Variants in PARP8 observed in about 807,000 individuals in gnomAD.
PARP8 encodes the protein poly(ADP-ribose) polymerase family member 8, also known as protein mono-ADP-ribosyltransferase PARP8.
Under a neutral mutation model 124.1 loss-of-function variants are expected in PARP8, and 51 were observed. That is an observed-to-expected ratio of 0.41 (90% CI 0.33 to 0.52). The LOEUF is 0.52. PARP8 is among the 20% of genes least tolerant of loss of function. PARP8 has a pLI of 0.21. For synonymous variants in PARP8, 391 were observed against 361.5 expected (o/e 1.08, Z -0.93); for missense variants, 860 against 1,018.9 (o/e 0.84, Z 2.12).
At chr5:50,683,169 A>T (rs1291825877) in intron 2 of PARP8, among the ~76,000 whole-genome samples, 3 of 152,190 alleles carry the variant, frequency 2.0e-5, no homozygotes, top group African/African-American at 4.8e-5. Context: ...CTAGGAAATG[A>T]TTTAAATCCT....
chr5:50,704,407 C>T (rs1753916498), intron 2 of PARP8, among the ~76,000 whole-genome samples: 1 of 152,124 alleles, frequency 6.6e-6, no homozygotes. Flanking sequence ...GATATAATTA[C>T]CTAAGTGAGC....
At position 50,788,502 on chromosome 5, in the gene PARP8, G is replaced by C. The variant is rs561649249; in HGVS notation, c.671-21G>C. The C allele has an allele frequency of 3.1e-6, 5 of 1,608,786 alleles. No individual in the cohort carries two copies. The African/African-American group carries it at 5.3e-5, about 17-fold the overall frequency. On this transcript the variant is annotated intron_variant, in intron 9 of 25. Transcript: ENST00000281631. ...TTCAGTTTCAAGTCAATATGTGACT[G>C]TGATCCTTTTTCCTTTCCAGTGCCC...
intron 2 of PARP8, among the ~76,000 whole-genome samples, chr5:50,710,906 C>T (rs1754705879): frequency 6.6e-6 from 1 of 152,094 alleles, no homozygotes; most frequent in Admixed American, 6.6e-5. Context: ...CTATCTGTAG[C>T]TTTATAACTA....
At chr5:50,716,703 A>C (rs1320216563) in intron 2 of PARP8, among the ~76,000 whole-genome samples, 1 of 152,086 alleles carries the variant, frequency 6.6e-6, no homozygotes, top group African/African-American at 2.4e-5. Flanking sequence ...AATTTCTTTA[A>C]CATGGTTTAA....
chr5:50,837,588 CA>C (rs1448084027), intron 25 of PARP8, among the ~76,000 whole-genome samples: 3 of 151,900 alleles, frequency 2.0e-5, no homozygotes, highest in Non-Finnish European at 4.4e-5. Context: ...AGTCTATTAT[CA>C]GGTAACAATA....
chr5:50,833,502 T>A, intron 23 of PARP8: 1 of 373,648 alleles, frequency 2.7e-6, no homozygotes. Flanking sequence ...GTATAGCTAA[T>A]CTAATATCTG....
At chr5:50,786,909 G>A (rs1268722041) in intron 9 of PARP8, among the ~76,000 whole-genome samples, 1 of 152,002 alleles carries the variant, frequency 6.6e-6, no homozygotes, top group Non-Finnish European at 1.5e-5. Flanking sequence ...ATGCCTAAAT[G>A]CTGGGCTTCT....
intron 2 of PARP8, among the ~76,000 whole-genome samples, chr5:50,684,513 A>G (rs1431582952): frequency 1.3e-5 from 2 of 151,878 alleles, no homozygotes; most frequent in African/African-American, 4.8e-5. Flanking sequence ...ATATTCATAT[A>G]TATAAAATAT....
At chr5:50,823,681 G>C (rs1467867701) in intron 17 of PARP8, among the ~76,000 whole-genome samples, 1 of 152,184 alleles carries the variant, frequency 6.6e-6, no homozygotes, top group South Asian at 2.1e-4. Flanking sequence ...CCTAGACCTT[G>C]ATTATTTTTG....
intron 2 of PARP8, among the ~76,000 whole-genome samples, chr5:50,671,534 GAAGA>G (rs1750017881): frequency 1.3e-5 from 2 of 151,752 alleles, no homozygotes; most frequent in South Asian, 2.1e-4. Flanking sequence ...AAAGTTAGAA[GAAGA>G]AATACGCCAA....
chr5:50,670,718 T>C (rs1400377114), intron 2 of PARP8, among the ~76,000 whole-genome samples: 2 of 152,216 alleles, frequency 1.3e-5, no homozygotes, highest in Non-Finnish European at 2.9e-5. Flanking sequence ...ACATAGTCAC[T>C]TTCATCAATT....
At position 50,667,184 on chromosome 5, in the gene PARP8, C is replaced by A; in HGVS notation, c.89C>A (p.Ala30Glu). Residue 30 changes from alanine to glutamate, a missense_variant and splice_region_variant, in exon 1 of 26, where the codon GCA becomes GAA. Around this residue, in one of 2 missense-constraint regions of PARP8, gnomAD observed 517 missense variants for 544.2 expected, o/e 0.95. Transcript: ENST00000281631. ...KSRAEKDCLF[A>E]DFRYSDSTFT... Reference sequence around the variant, plus strand: ...AGAGCTGAGAAGGACTGCCTGTTTGCAGGTGAGTTCTTGCTTTTCCAGAAC... The same window carrying A: ...AGAGCTGAGAAGGACTGCCTGTTTGAAGGTGAGTTCTTGCTTTTCCAGAAC... 1 of 1,596,354 alleles carries A rather than the reference C, an allele frequency of 6.3e-7. No individual in the cohort carries two copies. Among genetic ancestry groups the A allele is most frequent in the East Asian group, 2.2e-5 (1 of 44,864 alleles).
intron 3 of PARP8, among the ~76,000 whole-genome samples, chr5:50,758,167 CTAA>C (rs1433229730): frequency 6.6e-6 from 1 of 152,078 alleles, no homozygotes. Flanking sequence ...AAAGTCTCAA[CTAA>C]TGAGATAATA....
rs1461862543 is a variant in PARP8 at position 50,677,165 on chromosome 5, T to A, written c.146+9040T>A. On this transcript the variant is annotated intron_variant, in intron 2 of 25. Transcript: ENST00000281631. ...TGATTGTTGATATCACATTTGTTAG[T>A]CTGTATGTATCTGTGTCATTGATCT... 7.2e-5 allele frequency among the ~76,000 whole-genome samples: 11 copies of A among 152,264 alleles called. No individual in the cohort carries two copies. The South Asian group carries it at 1.9e-3, about 26-fold the overall frequency.
At chr5:50,700,532 C>T (rs1753484421) in intron 2 of PARP8, among the ~76,000 whole-genome samples, 1 of 152,162 alleles carries the variant, frequency 6.6e-6, no homozygotes, top group South Asian at 2.1e-4. Context: ...CAAGTGTGCT[C>T]TGTGGAATAA....
chr5:50,809,459 C>G (rs760681646), intron 14 of PARP8, among the ~76,000 whole-genome samples: 2 of 151,984 alleles, frequency 1.3e-5, no homozygotes, highest in African/African-American at 2.4e-5. Flanking sequence ...TAATATGCTT[C>G]AAAGAAAACT....
intron 22 of PARP8, 111 bp downstream of exon 22, chr5:50,830,072 A>C: frequency 8.2e-7 from 1 of 1,224,994 alleles, no homozygotes; most frequent in Non-Finnish European, 1.0e-6. Flanking sequence ...ATTTTTATTA[A>C]ATTTGTTTGC....
chr5:50,785,748 A>G (rs1741175833), intron 9 of PARP8, among the ~76,000 whole-genome samples: 4 of 152,168 alleles, frequency 2.6e-5, no homozygotes, highest in African/African-American at 9.7e-5. Context: ...TTGATGGAGC[A>G]TTTGTGTCCC....
At chr5:50,817,659 A>AT (rs1048502061) in intron 15 of PARP8, among the ~76,000 whole-genome samples, 7 of 152,144 alleles carry the variant, frequency 4.6e-5, no homozygotes, top group Admixed American at 6.5e-5. Flanking sequence ...CTCATCTAAG[A>AT]TTTTTTTTAA....
Sources: allele counts gnomAD v4.1 joint callset (sites outside exome capture counted in the v4.1 genomes callset), GRCh38; gene constraint gnomAD v4.1.1; regional missense constraint gnomAD v4.1.1; transcripts MANE v1.5; gene names NCBI Gene and HGNC (gene_info 2026-07-23, HGNC 2026-07-21).